The following RIMS2 variants were observed in gnomAD, a reference collection of about 807,000 sequenced individuals.
RIMS2 encodes regulating synaptic membrane exocytosis 2.
A neutral mutation model predicts 174.4 loss-of-function variants in RIMS2; 59 were observed. The observed-to-expected ratio is 0.34, with a 90% confidence interval of 0.27 to 0.42. The LOEUF is 0.42. Among genes scored for constraint, RIMS2 ranks in the 10% least tolerant of loss-of-function variants. The pLI is 1.00. For missense variants in RIMS2, 1,620 were observed against 1,666.3 expected (o/e 0.97, Z 0.48); for synonymous variants, 606 against 572.5 (o/e 1.06, Z -0.84).
At chr8:104,107,693 A>T (rs1269422124) in intron 19 of RIMS2, among the ~76,000 whole-genome samples, 1 of 152,228 alleles carries the variant, frequency 6.6e-6, no homozygotes, top group Non-Finnish European at 1.5e-5. Context: ...CACGCATGTA[A>T]TCCTAGCTCT....
In RIMS2 at chr8:103,590,676, G is replaced by A. The variant is rs2094209288; in HGVS notation, c.176+89614G>A. Among the ~76,000 whole-genome samples the A allele has an allele frequency of 2.0e-5, 3 of 150,944 alleles. No individual in the cohort carries two copies. In the South Asian group the frequency reaches 6.2e-4, roughly 31 times the overall value. ...ATTTTATCCACCTCCCTGCCCTTAG[G>A]AAGACTTTTTTTCCCACCATGAATT... On this transcript the variant is annotated intron_variant, in intron 1 of 23. Coordinates refer to ENST00000504942, the Ensembl canonical transcript of RIMS2.
At chr8:103,599,673 A>G (rs1350953798) in intron 1 of RIMS2, among the ~76,000 whole-genome samples, 1 of 151,740 alleles carries the variant, frequency 6.6e-6, no homozygotes. Context: ...CTGGTCTTGA[A>G]CTTCTAGGCT....
chr8:103,569,819 T>A lies in RIMS2; in HGVS notation c.176+68757T>A, dbSNP rs565029887. On this transcript the variant is annotated intron_variant, in intron 1 of 23. Coordinates refer to ENST00000504942, the Ensembl canonical transcript of RIMS2. ...TTTTTTTTTTTTGGCAGAGACAGGG[T>A]CTTGCTATGTCTGGTCTTTCGCAGG... Among the ~76,000 whole-genome samples, 8 of 149,170 alleles carry A rather than the reference T, an allele frequency of 5.4e-5. No individual in the cohort carries two copies. The East Asian group carries it at 1.6e-3, about 29-fold the overall frequency.
chr8:104,055,201 A>C (rs529837450), intron 19 of RIMS2, among the ~76,000 whole-genome samples: 30 of 152,228 alleles, frequency 2.0e-4, no homozygotes, highest in African/African-American at 7.2e-4. Context: ...TACTCTCAAA[A>C]ATATTCTATA....
intron 19 of RIMS2, among the ~76,000 whole-genome samples, chr8:104,175,311 G>A (rs1001993570): frequency 2.0e-5 from 3 of 149,738 alleles, no homozygotes; most frequent in African/African-American, 7.4e-5. Context: ...AAATTTTTTT[G>A]TGTATATATT....
intron 2 of RIMS2, among the ~76,000 whole-genome samples, chr8:103,757,092 G>A (rs969048075): frequency 3.3e-5 from 5 of 151,856 alleles, no homozygotes; most frequent in African/African-American, 1.2e-4. Context: ...CCAATACAGT[G>A]TAGAACAGAG....
intron 4 of RIMS2, among the ~76,000 whole-genome samples, chr8:103,902,481 G>T (rs898051976): frequency 2.0e-5 from 3 of 152,142 alleles, no homozygotes; most frequent in African/African-American, 7.2e-5. Flanking sequence ...CCTCTGCACA[G>T]TGTCCAACAG....
In RIMS2 at chr8:103,551,896, G is replaced by A. The variant is rs1032054075; in HGVS notation, c.176+50834G>A. Among the ~76,000 whole-genome samples, 7 of 152,144 alleles carry A rather than the reference G, an allele frequency of 4.6e-5. 1 individual carries two copies. Among genetic ancestry groups the A allele is most frequent in the Admixed American group, 4.6e-4 (7 of 15,276 alleles). ...ATACCTAGGAATCCAACTTACAAGG[G>A]ATGTGAAGGACCTCTTCAAAGAGAA... On this transcript the variant is annotated intron_variant, in intron 1 of 23. Coordinates refer to ENST00000504942, the Ensembl canonical transcript of RIMS2.
chr8:103,806,078 G>T (rs1027374549), intron 3 of RIMS2, among the ~76,000 whole-genome samples: 1 of 152,006 alleles, frequency 6.6e-6, no homozygotes, highest in Non-Finnish European at 1.5e-5. Flanking sequence ...CCCCTGTCTG[G>T]AAAGTGGTAA....
At chr8:104,228,667 C>A (rs995192096) in intron 19 of RIMS2, among the ~76,000 whole-genome samples, 1 of 152,106 alleles carries the variant, frequency 6.6e-6, no homozygotes, top group African/African-American at 2.4e-5. Flanking sequence ...TAAAATGTAA[C>A]ATGTGATAGA....
intron 3 of RIMS2, among the ~76,000 whole-genome samples, chr8:103,857,065 C>T (rs1404032904): frequency 6.6e-6 from 1 of 151,902 alleles, no homozygotes; most frequent in African/African-American, 2.4e-5. Context: ...TGAGTTTTTC[C>T]CCTACAAATC....
chr8:103,847,746 T>C (rs903048311), intron 3 of RIMS2, among the ~76,000 whole-genome samples: 3 of 151,878 alleles, frequency 2.0e-5, no homozygotes, highest in Non-Finnish European at 4.4e-5. Flanking sequence ...CATGTTGAGG[T>C]TGGGGAGGGG....
chr8:103,639,489 TTTTC>T (rs1388039379), intron 1 of RIMS2, among the ~76,000 whole-genome samples: 1 of 151,740 alleles, frequency 6.6e-6, no homozygotes, highest in Non-Finnish European at 1.5e-5. Flanking sequence ...CACTACTCTG[TTTTC>T]TTTATCTATA....
At chr8:103,790,745 G>A (rs1681930699) in intron 3 of RIMS2, among the ~76,000 whole-genome samples, 1 of 152,054 alleles carries the variant, frequency 6.6e-6, no homozygotes, top group African/African-American at 2.4e-5. Context: ...CAAATCCTTT[G>A]TTGGGGTTAT....
chr8:103,602,055 G>C (rs1298156234), intron 1 of RIMS2, among the ~76,000 whole-genome samples: 1 of 151,984 alleles, frequency 6.6e-6, no homozygotes, highest in African/African-American at 2.4e-5. Flanking sequence ...GCATGATTCT[G>C]GCTCACTGCC....
At chr8:104,236,268 C>G (rs1183631574) in intron 19 of RIMS2, among the ~76,000 whole-genome samples, 1 of 152,018 alleles carries the variant, frequency 6.6e-6, no homozygotes, top group African/African-American at 2.4e-5. Context: ...GCTAGTTTCT[C>G]TCTATGGAAA....
chr8:104,253,089 G>C (rs908673288), downstream of RIMS2: 1 of 152,262 alleles, frequency 6.6e-6, no homozygotes, highest in South Asian at 2.1e-4. Context: ...TGTATTTGAC[G>C]AAGAAGATAT....
chr8:103,576,396 A>G (rs935681088), intron 1 of RIMS2, among the ~76,000 whole-genome samples: 1 of 152,248 alleles, frequency 6.6e-6, no homozygotes, highest in African/African-American at 2.4e-5. Flanking sequence ...ACTGGAATAA[A>G]TAACTAATCC....
At chr8:104,001,318 T>C (rs955389778) in intron 17 of RIMS2, among the ~76,000 whole-genome samples, 1 of 152,012 alleles carries the variant, frequency 6.6e-6, no homozygotes, top group Non-Finnish European at 1.5e-5. Flanking sequence ...TTACATATTA[T>C]ATATTTGTAT....
Sources: gnomAD v4.1 joint callset for allele counts (sites outside exome capture counted in the v4.1 genomes callset) on GRCh38, gnomAD v4.1.1 for gene constraint, MANE v1.5 for transcripts, NCBI Gene and HGNC (gene_info 2026-07-23, HGNC 2026-07-21) for gene names.